The following TNNT2 variants were observed in gnomAD, a reference collection of about 807,000 sequenced individuals.
The protein encoded by TNNT2 is troponin T2, cardiac type.
TNNT2 carries 34 observed loss-of-function variants against 62.4 expected under a neutral mutation model. The ratio of observed to expected loss-of-function variants is 0.54; its 90% CI spans 0.41 to 0.72. TNNT2 has a LOEUF of 0.72. Ranked by LOEUF, TNNT2 falls within the 30% of genes least tolerant of loss-of-function variation. The probability of loss-of-function intolerance (pLI) is 0.00; values close to 1 mark genes in which losing one functional copy is unlikely to be tolerated. For missense variants in TNNT2, 275 were observed against 381.9 expected (o/e 0.72, Z 2.33); for synonymous variants, 123 against 127.2 (o/e 0.97, Z 0.22).
chr1:201,372,959 CT>C (rs1360123829), intron 2 of TNNT2: 5 of 647,288 alleles, frequency 7.7e-6, no homozygotes, highest in African/African-American at 1.8e-5. Flanking sequence ...CTAGCCAAGA[CT>C]GGCCAAGGAC....
intron 1 of TNNT2, among the ~76,000 whole-genome samples, chr1:201,376,206 CA>C (rs2102333664): frequency 6.6e-6 from 1 of 152,286 alleles, no homozygotes; most frequent in South Asian, 2.1e-4. Flanking sequence ...TTCACAGGGT[CA>C]CCTTTCTTGG....
chr1:201,371,957 C>T, intron 4 of TNNT2, 70 bp downstream of exon 4: 1 of 1,605,862 alleles, frequency 6.2e-7, no homozygotes, highest in Non-Finnish European at 8.5e-7. Flanking sequence ...GCTGCTTTCC[C>T]AGGGCTCCCA....
At chr1:201,360,090 G>T (rs908121738) in intron 15 of TNNT2, among the ~76,000 whole-genome samples, 2 of 152,302 alleles carry the variant, frequency 1.3e-5, no homozygotes, top group East Asian at 3.9e-4. Context: ...CACCACCCCT[G>T]CAGGGTGCTG....
intron 15 of TNNT2, chr1:201,360,743 C>T (rs997568394): frequency 1.1e-4 from 17 of 157,536 alleles, no homozygotes; most frequent in South Asian, 3.8e-4. Flanking sequence ...GAAGGACTGG[C>T]GCCCAGGTCT....
Position 201,359,663 on chromosome 1 carries a change from T to A in TNNT2, c.811A>T (p.Ile271Phe). 3 of 1,589,954 alleles carry A rather than the reference T, an allele frequency of 1.9e-6. No homozygotes were observed. Among genetic ancestry groups the A allele is most frequent in the Non-Finnish European group, 2.6e-6 (3 of 1,166,064 alleles). Residue 271 changes from isoleucine (I) to phenylalanine (F), a missense_variant and splice_region_variant, in exon 16 of 17, where the codon ATC (isoleucine) becomes TTC (phenylalanine). Transcript: ENST00000656932. ...TTGATCCTGTTTCGGAGAACATTGA[T>A]CTGCAAGAAAAGTGGGAAGGACAAA... Reference protein sequence around the residue: ...QEKFKQQKYEINVLRNRINDN... With the variant: ...QEKFKQQKYEFNVLRNRINDN...
intron 2 of TNNT2, 138 bp downstream of exon 2, chr1:201,373,076 T>C (rs751100347): frequency 2.3e-6 from 2 of 860,322 alleles, no homozygotes; most frequent in East Asian, 2.4e-5. Flanking sequence ...GAAATGGCTA[T>C]ATCTCTCCTC....
intron 11 of TNNT2, 42 bp from the exon 12 acceptor site, chr1:201,363,448 G>T: frequency 6.3e-7 from 1 of 1,580,736 alleles, no homozygotes; most frequent in Non-Finnish European, 8.7e-7. Context: ...TAGGGGAAAG[G>T]ATTGGAAACC....
chr1:201,360,110 T>A (rs973589064), intron 15 of TNNT2, among the ~76,000 whole-genome samples: 1 of 152,114 alleles, frequency 6.6e-6, no homozygotes, highest in Non-Finnish European at 1.5e-5. Flanking sequence ...GCCCCAAAGT[T>A]TGGCAAATCT....
intron 15 of TNNT2, chr1:201,360,986 C>T (rs1558217572): frequency 2.2e-6 from 1 of 463,702 alleles, no homozygotes. Context: ...TTGTAACCAG[C>T]TCAGATCACT....
chr1:201,368,123 C>T (rs772769248), intron 6 of TNNT2, 39 bp downstream of exon 6: 15 of 1,606,856 alleles, frequency 9.3e-6, no homozygotes, highest in Admixed American at 5.0e-5. Context: ...GGGCTCTCGC[C>T]ACCCCCTGAG....
At chr1:201,361,788 T>C in intron 14 of TNNT2, 125 bp downstream of exon 14, 1 of 947,002 alleles carries the variant, frequency 1.1e-6, no homozygotes, top group Non-Finnish European at 1.7e-6. Context: ...CCCACCAAAC[T>C]TGCCATGGGA....
chr1:201,371,622 T>C (rs896920074), intron 4 of TNNT2, among the ~76,000 whole-genome samples: 3 of 151,904 alleles, frequency 2.0e-5, no homozygotes, highest in African/African-American at 7.3e-5. Context: ...AAATAACTGG[T>C]GGAAGGTGGA....
At chr1:201,363,718 C>T in intron 11 of TNNT2, 1 of 422,504 alleles carries the variant, frequency 2.4e-6, no homozygotes, top group African/African-American at 2.0e-5. Flanking sequence ...GCTACGGGGC[C>T]TTCGGTTCCC....
chr1:201,359,069 AG>A lies in TNNT2; in HGVS notation c.*140del, dbSNP rs1161217674. 1.0e-6 allele frequency: 1 copy of A among 997,716 alleles called. No homozygotes were observed. Among genetic ancestry groups the A allele is most frequent in the Non-Finnish European group, 1.5e-6 (1 of 648,216 alleles). 61.8% of individuals were successfully genotyped at this position (997,716 alleles called of 1,614,324 possible). Reference sequence around the variant, plus strand: ...TGGAGTGGGTGTGGGGGCAGGCAGGAGTGGTGGCTCCCACCTAGGCCAGCTC... The same window carrying A: ...TGGAGTGGGTGTGGGGGCAGGCAGGATGGTGGCTCCCACCTAGGCCAGCTC... On this transcript the variant is annotated 3_prime_UTR_variant, in exon 17 of 17. Coordinates refer to ENST00000656932, the MANE Select transcript of TNNT2 (RefSeq NM_001276345.2).
intron 15 of TNNT2, 91 bp from the exon 16 acceptor site, chr1:201,359,754 T>C: frequency 9.4e-7 from 1 of 1,069,140 alleles, no homozygotes; most frequent in Middle Eastern, 2.0e-4. Flanking sequence ...GGGGGCTGAG[T>C]GCAGCAGTGC....
At chr1:201,362,091 C>A (rs935213512) in intron 13 of TNNT2, 69 bp from the exon 14 acceptor site, 36 of 1,542,538 alleles carry the variant, frequency 2.3e-5, no homozygotes, top group Non-Finnish European at 3.0e-5. Flanking sequence ...CCTCCCCAAA[C>A]CCCCTGGGGG....
At chr1:201,361,444 C>G (rs562973986) in intron 14 of TNNT2, 75 bp from the exon 15 acceptor site, 2 of 1,359,124 alleles carry the variant, frequency 1.5e-6, no homozygotes, top group Non-Finnish European at 2.1e-6. Context: ...GGTCCCGGCC[C>G]AGCCCCCAGC....
chr1:201,372,338 C>T (rs565390135), intron 2 of TNNT2, among the ~76,000 whole-genome samples, 183 bp from the exon 3 acceptor site: 88 of 152,254 alleles, frequency 5.8e-4, no homozygotes, highest in African/African-American at 2.0e-3. Context: ...CCTGGCCTGC[C>T]GTTCTCATGC....
intron 11 of TNNT2, chr1:201,363,758 G>T (rs1892026): frequency 0.72 from 279,447 of 389,052 alleles, 101,092 homozygotes; most frequent in South Asian, 0.82. Flanking sequence ...AGGGATGAGG[G>T]CTGGAGAGTC....
Sources: gnomAD v4.1 joint callset for allele counts (sites outside exome capture counted in the v4.1 genomes callset) on GRCh38, gnomAD v4.1.1 for gene constraint, MANE v1.5 for transcripts, NCBI Gene and HGNC (gene_info 2026-07-23, HGNC 2026-07-21) for gene names.